The following ESRRG variants were observed in gnomAD, a reference collection of about 807,000 sequenced individuals.
The protein encoded by ESRRG is estrogen-related receptor gamma.
ESRRG carries 13 observed loss-of-function variants against 44.0 expected under a neutral mutation model. The ratio of observed to expected loss-of-function variants is 0.30; its 90% CI spans 0.19 to 0.47. ESRRG has a LOEUF of 0.47. Ranked by LOEUF, ESRRG falls within the 20% of genes least tolerant of loss-of-function variation. ESRRG has a pLI of 1.00. For missense variants in ESRRG, 395 were observed against 580.6 expected, an observed-to-expected ratio of 0.68 and a Z score of 3.29; for synonymous variants, 215 against 214.6, an observed-to-expected ratio of 1.00 and a Z score of -0.02.
chr1:216,513,343 G>T (rs1445700590), intron 6 of ESRRG, among the ~76,000 whole-genome samples: 1 of 152,072 alleles, frequency 6.6e-6, no homozygotes, highest in Non-Finnish European at 1.5e-5. Flanking sequence ...ATCAAGTAGG[G>T]AGCTGAATCA....
chr1:217,007,386 G>GC (rs2077899339), intron 1 of ESRRG, among the ~76,000 whole-genome samples: 1 of 151,654 alleles, frequency 6.6e-6, no homozygotes, highest in South Asian at 2.1e-4. Flanking sequence ...TCTTCCAAAG[G>GC]GGGAAAAGGG....
chr1:216,882,914 C>T (rs2096466367), intron 2 of ESRRG, among the ~76,000 whole-genome samples: 1 of 151,174 alleles, frequency 6.6e-6, no homozygotes, highest in Non-Finnish European at 1.5e-5. Context: ...TTAAGAGTCA[C>T]GATTTGGAAA....
chr1:216,546,722 T>C (rs1463934964), intron 5 of ESRRG, among the ~76,000 whole-genome samples: 1 of 151,940 alleles, frequency 6.6e-6, no homozygotes, highest in African/African-American at 2.4e-5. Flanking sequence ...AAAGGACTAG[T>C]CTACATTAGT....
intron 1 of ESRRG, among the ~76,000 whole-genome samples, chr1:216,682,578 C>T (rs1275487782): frequency 6.6e-6 from 1 of 152,120 alleles, no homozygotes; most frequent in Non-Finnish European, 1.5e-5. Flanking sequence ...TCAAGTCCCA[C>T]CACCTAATCA....
chr1:216,940,115 G>A (rs751047981), intron 1 of ESRRG, among the ~76,000 whole-genome samples: 1 of 152,092 alleles, frequency 6.6e-6, no homozygotes, highest in Admixed American at 6.6e-5. Context: ...TTCTCCAAAC[G>A]TGAAGGCTTT....
At chr1:216,584,513 C>T (rs1185133993) in intron 3 of ESRRG, among the ~76,000 whole-genome samples, 2 of 152,102 alleles carry the variant, frequency 1.3e-5, no homozygotes, top group Non-Finnish European at 2.9e-5. Flanking sequence ...ACCTCGGCCT[C>T]CCAAAGTGCT....
intron 1 of ESRRG, among the ~76,000 whole-genome samples, chr1:216,963,575 C>T (rs2069591087): frequency 6.6e-6 from 1 of 152,162 alleles, no homozygotes; most frequent in Non-Finnish European, 1.5e-5. Context: ...CTTGTCTATC[C>T]TCCTCTATTA....
chr1:216,882,226 T>G (rs1431437988), intron 2 of ESRRG, among the ~76,000 whole-genome samples: 1 of 152,174 alleles, frequency 6.6e-6, no homozygotes, highest in Non-Finnish European at 1.5e-5. Context: ...GAGCTATACA[T>G]TCCTTGATTT....
intron 6 of ESRRG, among the ~76,000 whole-genome samples, chr1:216,509,255 CA>C (rs1218436942): frequency 6.6e-6 from 1 of 152,196 alleles, no homozygotes; most frequent in African/African-American, 2.4e-5. Context: ...ACATCCTATT[CA>C]AACTCCTATC....
intron 1 of ESRRG, among the ~76,000 whole-genome samples, chr1:216,695,040 A>G: frequency 6.6e-6 from 1 of 152,124 alleles, no homozygotes; most frequent in East Asian, 1.9e-4. Flanking sequence ...AAGATAAATC[A>G]TGAGGAAAAG....
intron 3 of ESRRG, among the ~76,000 whole-genome samples, chr1:216,574,358 G>T (rs568400562): frequency 6.6e-6 from 1 of 152,206 alleles, no homozygotes; most frequent in East Asian, 1.9e-4. Context: ...TAAAAAAAAT[G>T]CTGTGAGGCA....
chr1:216,891,508 G>T (rs1209729018), intron 2 of ESRRG, among the ~76,000 whole-genome samples: 1 of 152,182 alleles, frequency 6.6e-6, no homozygotes, highest in Non-Finnish European at 1.5e-5. Context: ...ATATTAGGTG[G>T]CTCACTTATG....
At chr1:216,511,610 C>T (rs1325464044) in intron 6 of ESRRG, among the ~76,000 whole-genome samples, 1 of 141,398 alleles carries the variant, frequency 7.1e-6, no homozygotes, top group Non-Finnish European at 1.6e-5. Flanking sequence ...TCCCCAGCTC[C>T]GTACTTATGT....
chr1:216,614,806 A>C (rs1458603680), intron 3 of ESRRG, among the ~76,000 whole-genome samples: 1 of 152,204 alleles, frequency 6.6e-6, no homozygotes, highest in Non-Finnish European at 1.5e-5. Flanking sequence ...TAGCTGGTGC[A>C]TTTAATAAGG....
chr1:216,711,518 A>T (rs1022082825), intron 1 of ESRRG, among the ~76,000 whole-genome samples: 5 of 152,158 alleles, frequency 3.3e-5, no homozygotes, highest in Admixed American at 2.6e-4. Context: ...TACCCTTAGC[A>T]ATGTGCTCTT....
intron 2 of ESRRG, among the ~76,000 whole-genome samples, chr1:216,819,015 TGA>T (rs1253993680): frequency 3.3e-5 from 5 of 152,170 alleles, no homozygotes; most frequent in African/African-American, 1.2e-4. Flanking sequence ...AGTTTATCAT[TGA>T]TAGCATTTGG....
At chr1:217,107,986 C>T (rs938686281) in intron 1 of ESRRG, among the ~76,000 whole-genome samples, 2 of 151,472 alleles carry the variant, frequency 1.3e-5, no homozygotes, top group African/African-American at 4.9e-5. Flanking sequence ...TCATTCCTGA[C>T]TCTGATGATA....
intron 3 of ESRRG, among the ~76,000 whole-genome samples, chr1:216,644,076 C>T (rs1172694498): frequency 2.6e-5 from 4 of 152,112 alleles, no homozygotes; most frequent in Non-Finnish European, 2.9e-5. Context: ...GCAGTGGGGC[C>T]GTGGGCAAGT....
At chr1:216,960,076 G>A (rs530826272) in intron 1 of ESRRG, among the ~76,000 whole-genome samples, 7 of 152,108 alleles carry the variant, frequency 4.6e-5, no homozygotes, top group African/African-American at 1.7e-4. Flanking sequence ...TATTATATGT[G>A]TGTGTATGTA....
Sources: allele counts gnomAD v4.1 joint callset (sites outside exome capture counted in the v4.1 genomes callset), GRCh38; gene constraint gnomAD v4.1.1; transcripts MANE v1.5; gene names NCBI Gene and HGNC (gene_info 2026-07-23, HGNC 2026-07-21).